STIM1: variants seen among roughly 807,000 people sequenced by gnomAD.
STIM1 encodes the protein stromal interaction molecule 1.
A neutral mutation model predicts 74.7 loss-of-function variants in STIM1; 25 were observed. That is an observed-to-expected ratio of 0.33 (90% confidence interval 0.24 to 0.47). STIM1 has a LOEUF of 0.47. STIM1 is among the 20% of genes least tolerant of loss of function. The pLI is 1.00. For missense variants in STIM1, 728 were observed against 920.8 expected (o/e 0.79, Z 2.71); for synonymous variants, 328 against 348.8 (o/e 0.94, Z 0.66).
At chr11:3,857,719 A>G (rs1308241467) in intron 1 of STIM1, among the ~76,000 whole-genome samples, 12 of 152,172 alleles carry the variant, frequency 7.9e-5, no homozygotes, top group Non-Finnish European at 1.8e-4. Context: ...ACCTGCTGAT[A>G]CAAGTCAGAA....
chr11:3,963,139 C>G (rs2093305195), intron 1 of STIM1, among the ~76,000 whole-genome samples: 1 of 152,168 alleles, frequency 6.6e-6, no homozygotes, highest in African/African-American at 2.4e-5. Context: ...TGCTACATAA[C>G]TAAGCTTCTG....
At chr11:4,077,571 T>C (rs890547401) in intron 7 of STIM1, among the ~76,000 whole-genome samples, 8 of 152,188 alleles carry the variant, frequency 5.3e-5, no homozygotes, top group African/African-American at 1.9e-4. Flanking sequence ...TGCCTAACTC[T>C]AGAATATACA....
chr11:4,070,506 G>C (rs1401349737), intron 6 of STIM1, among the ~76,000 whole-genome samples: 1 of 152,160 alleles, frequency 6.6e-6, no homozygotes, highest in Non-Finnish European at 1.5e-5. Flanking sequence ...TCTTCCTTCT[G>C]CCTGTCTCTG....
At chr11:4,062,667 T>C (rs1183250602) in intron 5 of STIM1, among the ~76,000 whole-genome samples, 1 of 152,196 alleles carries the variant, frequency 6.6e-6, no homozygotes, top group African/African-American at 2.4e-5. Context: ...TTGAACATAT[T>C]ATTTGTATAG....
intron 1 of STIM1, among the ~76,000 whole-genome samples, chr11:3,963,165 C>T (rs949724707): frequency 1.3e-5 from 2 of 152,152 alleles, no homozygotes; most frequent in African/African-American, 4.8e-5. Flanking sequence ...GGGTTTGTTG[C>T]ACAGATTATT....
intron 1 of STIM1, among the ~76,000 whole-genome samples, chr11:3,934,919 C>T (rs927921403): frequency 2.0e-5 from 3 of 152,204 alleles, no homozygotes; most frequent in East Asian, 3.8e-4. Flanking sequence ...AATGAGCCAC[C>T]CTTGGCATCC....
Position 4,084,770 on chromosome 11 carries a change from G to C in STIM1, c.1567+5G>C. On this transcript the variant is annotated splice_donor_5th_base_variant and intron_variant, in intron 11 of 12. Coordinates refer to ENST00000526596, the MANE Select transcript of STIM1 (RefSeq NM_001382567.1). Reference sequence around the variant, plus strand: ...AGTCCCTCTGGAAATACCCCGGTTTGAGGAGCCCCTTTGGGGCATTTTGTT... The same window carrying C: ...AGTCCCTCTGGAAATACCCCGGTTTCAGGAGCCCCTTTGGGGCATTTTGTT... The C allele has an allele frequency of 7.8e-7, 1 of 1,289,354 alleles. No individual in the cohort carries two copies. The highest frequency in any genetic ancestry group is 1.0e-6 in the Non-Finnish European group (1 of 988,870). The allele number at this position is 1,289,354 out of a possible 1,614,324, so 79.9% of individuals were successfully genotyped here.
chr11:4,059,765 C>T (rs1342291971), intron 5 of STIM1, among the ~76,000 whole-genome samples: 2 of 152,116 alleles, frequency 1.3e-5, no homozygotes, highest in Non-Finnish European at 2.9e-5. Flanking sequence ...GACATGTTAC[C>T]TCTGCCTTTA....
intron 2 of STIM1, among the ~76,000 whole-genome samples, chr11:4,010,534 C>A (rs1489031698): frequency 1.3e-5 from 2 of 152,104 alleles, no homozygotes; most frequent in Admixed American, 6.5e-5. Flanking sequence ...CAGTAAAAGA[C>A]ACACACAAAG....
chr11:4,055,483 C>T, intron 3 of STIM1, 43 bp from the exon 4 acceptor site: 3 of 1,455,576 alleles, frequency 2.1e-6, no homozygotes, highest in Non-Finnish European at 2.8e-6. Flanking sequence ...GAAAGCAGTG[C>T]TTGGCATTCT....
intron 6 of STIM1, among the ~76,000 whole-genome samples, chr11:4,070,619 T>C (rs994319451): frequency 3.3e-5 from 5 of 152,206 alleles, no homozygotes; most frequent in Admixed American, 1.3e-4. Flanking sequence ...TTCTTTCTTA[T>C]AAGGAGTCTA....
At chr11:3,884,112 T>C (rs1023402349) in intron 1 of STIM1, among the ~76,000 whole-genome samples, 4 of 152,168 alleles carry the variant, frequency 2.6e-5, no homozygotes, top group African/African-American at 9.7e-5. Flanking sequence ...GGAAGGCCTC[T>C]CATTGGATGG....
chr11:3,861,528 TGGCCTCTATTTTTTACC>T (rs1172726432), intron 1 of STIM1, among the ~76,000 whole-genome samples: 1 of 152,210 alleles, frequency 6.6e-6, no homozygotes, highest in Non-Finnish European at 1.5e-5. Flanking sequence ...CCACCGCGCC[TGGCCTCTATTTTTTACC>T]GTAATTTAGA....
chr11:3,862,286 A>G (rs1377691110), intron 1 of STIM1, among the ~76,000 whole-genome samples: 1 of 152,156 alleles, frequency 6.6e-6, no homozygotes, highest in Non-Finnish European at 1.5e-5. Context: ...CAGAGAGTTT[A>G]TTTCGGAGAA....
At chr11:3,863,221 T>TGC (rs2090703136) in intron 1 of STIM1, among the ~76,000 whole-genome samples, 1 of 616 alleles carries the variant, frequency 1.6e-3, no homozygotes, top group African/African-American at 8.1e-3. Context: ...AGACAATGCA[T>TGC]GTGTGTGTGT....
intron 5 of STIM1, among the ~76,000 whole-genome samples, chr11:4,060,580 C>T (rs1419422453): frequency 1.3e-5 from 2 of 152,138 alleles, no homozygotes; most frequent in Non-Finnish European, 2.9e-5. Flanking sequence ...TACTCACCTT[C>T]ATTGGTAGGT....
chr11:3,998,000 T>G lies in STIM1; in HGVS notation c.271-25873T>G, dbSNP rs559962769. The stretch of plus-strand genomic sequence containing the variant: ...GAAAATATCCGTTTTCTACCTCCTC[T>G]ATAGGTCTTCCTTACATATGAGGGA... On this transcript the variant is annotated intron_variant, in intron 2 of 12. Transcript: ENST00000526596. Among the ~76,000 whole-genome samples, 3 of 152,324 alleles carry G rather than the reference T, an allele frequency of 2.0e-5. No homozygotes were observed. In the East Asian group the frequency reaches 5.8e-4, roughly 29 times the overall value.
At chr11:3,909,708 C>T (rs1396866725) in intron 1 of STIM1, among the ~76,000 whole-genome samples, 1 of 150,646 alleles carries the variant, frequency 6.6e-6, no homozygotes, top group Non-Finnish European at 1.5e-5. Flanking sequence ...CCTGTGATCC[C>T]AGCTACTTGG....
rs150973052 is a variant in STIM1 at position 4,009,882 on chromosome 11, G to A, written c.271-13991G>A. Among the ~76,000 whole-genome samples the A allele has an allele frequency of 2.4e-4, 36 of 152,120 alleles. No homozygotes were observed. The East Asian group carries it at 5.4e-3, about 23-fold the overall frequency. On this transcript the variant is annotated intron_variant, in intron 2 of 12. Coordinates refer to ENST00000526596, the MANE Select transcript of STIM1 (RefSeq NM_001382567.1). ...GGCTGGAGTACAGTGGTACGATCAC[G>A]GCTTACCGCAACCTTAACATCTTGG...
Sources: gnomAD v4.1 joint callset for allele counts (sites outside exome capture counted in the v4.1 genomes callset) on GRCh38, gnomAD v4.1.1 for gene constraint, MANE v1.5 for transcripts, NCBI Gene and HGNC (gene_info 2026-07-23, HGNC 2026-07-21) for gene names.